IKBKB: variants seen among roughly 807,000 people sequenced by gnomAD.
IKBKB encodes inhibitor of nuclear factor kappa-B kinase subunit beta.
In IKBKB, 42 loss-of-function variants were observed where a neutral mutation model predicts 113.6. The ratio of observed to expected loss-of-function variants is 0.37; its 90% CI spans 0.29 to 0.48. IKBKB has a LOEUF of 0.48. IKBKB is among the 20% of genes least tolerant of loss of function. IKBKB has a pLI of 0.99. For synonymous variants in IKBKB, 296 were observed against 361.3 expected (o/e 0.82, Z 2.05); for missense variants, 673 against 939.7 (o/e 0.72, Z 3.71).
chr8:42,316,479 T>A lies in IKBKB; in HGVS notation c.930+140T>A. 3 of 1,064,746 alleles carry A rather than the reference T, an allele frequency of 2.8e-6. No homozygotes were observed. The highest frequency in any genetic ancestry group is 4.0e-6 in the Non-Finnish European group (3 of 741,964). The allele number at this position is 1,064,746 out of a possible 1,614,324, so 66.0% of individuals were successfully genotyped here. On this transcript the variant is annotated intron_variant, in intron 10 of 21. Coordinates refer to ENST00000520810, the MANE Select transcript of IKBKB (RefSeq NM_001556.3). This position sits in a 1 kb window ranked among gnomAD's most constrained non-coding sequence, Gnocchi z 4.5. ...TCCTGCATCAGTCTTTCTGCATAAG[T>A]AAAGAAAGGACAGTTGTGCTAATTG...
At chr8:42,317,049 G>A in intron 11 of IKBKB, 145 bp downstream of exon 11, 1 of 784,478 alleles carries the variant, frequency 1.3e-6, no homozygotes, top group Non-Finnish European at 2.2e-6. Flanking sequence ...TTAAGTTGGA[G>A]TATGGTGTCC....
chr8:42,272,256 C>T (rs771509162), intron 2 of IKBKB, 51 bp downstream of exon 2: 3 of 1,612,418 alleles, frequency 1.9e-6, no homozygotes, highest in Non-Finnish European at 2.5e-6. Context: ...GCCCCCTCCT[C>T]ACTGCCTCCA....
chr8:42,316,865 C>G lies in IKBKB; in HGVS notation c.1086C>G (p.Ile362Met), dbSNP rs759450524. The G allele has an allele frequency of 5.6e-6, 9 of 1,614,130 alleles. No homozygotes were observed. The highest frequency in any genetic ancestry group is 7.6e-6 in the Non-Finnish European group (9 of 1,180,026). ...ELLQEAGLALIPDKPATQCIS... is the reference protein window; with the variant it reads ...ELLQEAGLALMPDKPATQCIS... ...TGCAGGAAGCGGGCCTGGCGTTGAT[C>G]CCCGATAAGCCTGCCACTCAGTGTA... The change falls in exon 11 of 22, where the codon ATC becomes ATG. Residue 362 changes from isoleucine to methionine, a missense_variant. By Grantham distance (10) the Ile-to-Met change is conservative. Transcript: ENST00000520810. This position sits in a 1 kb window ranked among gnomAD's most constrained non-coding sequence, Gnocchi z 4.5.
chr8:42,314,182 G>A (rs1318514243), intron 8 of IKBKB, 140 bp from the exon 9 acceptor site: 2 of 700,942 alleles, frequency 2.9e-6, no homozygotes, highest in African/African-American at 3.5e-5. Flanking sequence ...GTACGATACA[G>A]CCTAGGTCTG....
chr8:42,274,109 C>T (rs747179522), intron 2 of IKBKB, among the ~76,000 whole-genome samples: 3 of 151,922 alleles, frequency 2.0e-5, no homozygotes, highest in Non-Finnish European at 4.4e-5. Context: ...TGGCTCACTG[C>T]AACCTCCGCC....
chr8:42,287,133 G>C (rs1158677119), intron 2 of IKBKB, among the ~76,000 whole-genome samples: 1 of 152,182 alleles, frequency 6.6e-6, no homozygotes, highest in Admixed American at 6.5e-5. Flanking sequence ...GAGTGCCCGA[G>C]GCCAGAGCCG....
At chr8:42,288,511 C>T (rs765752129) in intron 2 of IKBKB, 123 bp from the exon 3 acceptor site, 1 of 655,146 alleles carries the variant, frequency 1.5e-6, no homozygotes, top group Non-Finnish European at 2.6e-6. Flanking sequence ...TACATGTGAC[C>T]TTGGAGCACC....
Position 42,319,332 on chromosome 8 carries a change from CTCAGCAGCTCAAGGCCAAGTTGGATTTCT to C in IKBKB, c.1431_1459del (p.Gln478AsnfsTer6). The C allele has an allele frequency of 6.2e-7, 1 of 1,614,148 alleles. No homozygotes were observed. The highest frequency in any genetic ancestry group is 8.5e-7 in the Non-Finnish European group (1 of 1,180,006). On this transcript the variant is annotated frameshift_variant, in exon 14 of 22. Coordinates refer to ENST00000520810, the MANE Select transcript of IKBKB (RefSeq NM_001556.3). LOFTEE classifies it high-confidence loss of function. ...ATGAAGAATTCCATGGCTTCCATGT[CTCAGCAGCTCAAGGCCAAGTTGGATTTCT>C]TCAAAACCAGCATCCAGATTGACCT... is the stretch of plus-strand genomic sequence containing the variant.
chr8:42,321,760 G>C, intron 16 of IKBKB, 136 bp from the exon 17 acceptor site: 1 of 628,954 alleles, frequency 1.6e-6, no homozygotes, highest in East Asian at 2.7e-5. Flanking sequence ...GGATGCCAAG[G>C]CAAGAAGATT....
chr8:42,331,695 AG>A lies in IKBKB; in HGVS notation c.*717del. 4.4e-6 allele frequency: 2 copies of A among 458,178 alleles called. No individual in the cohort carries two copies. Among genetic ancestry groups the A allele is most frequent in the South Asian group, 4.4e-5 (2 of 45,130 alleles). 28.4% of individuals were successfully genotyped at this position (458,178 alleles called of 1,614,324 possible). On this transcript the variant is annotated 3_prime_UTR_variant, in exon 22 of 22. Coordinates refer to ENST00000520810, the MANE Select transcript of IKBKB (RefSeq NM_001556.3). ...GTCCTTTCTGCCAAGAGCGACTCAT[AG>A]TAACCAGGATGGGAGAGCAGCTGCC...
At chr8:42,275,580 C>A (rs1311831432) in intron 2 of IKBKB, among the ~76,000 whole-genome samples, 6 of 152,190 alleles carry the variant, frequency 3.9e-5, no homozygotes, top group Admixed American at 3.9e-4. Flanking sequence ...ATGTAATGCC[C>A]TCCAAGCTCA....
At chr8:42,289,048 C>A (rs1812021340) in intron 3 of IKBKB, among the ~76,000 whole-genome samples, 1 of 152,172 alleles carries the variant, frequency 6.6e-6, no homozygotes, top group Admixed American at 6.5e-5. Flanking sequence ...AACCCCGTCT[C>A]TACTAAAAAT....
chr8:42,272,055 T>G (rs774608043), intron 1 of IKBKB, 28 bp from the exon 2 acceptor site: 1 of 1,591,802 alleles, frequency 6.3e-7, no homozygotes, highest in Non-Finnish European at 8.6e-7. Context: ...AATCCTAACC[T>G]TTTTTCCCCA....
intron 8 of IKBKB, among the ~76,000 whole-genome samples, chr8:42,311,462 G>A (rs1466135097): frequency 6.9e-6 from 1 of 145,934 alleles, no homozygotes; most frequent in Non-Finnish European, 1.5e-5. Flanking sequence ...TTGGGAGGCT[G>A]AAACAGGAGA....
chr8:42,315,514 G>T (rs1225793519), intron 9 of IKBKB, among the ~76,000 whole-genome samples: 3 of 152,164 alleles, frequency 2.0e-5, no homozygotes, highest in African/African-American at 7.2e-5. Flanking sequence ...GGCAGGCTCT[G>T]CAGGGCCAGG....
intron 8 of IKBKB, among the ~76,000 whole-genome samples, chr8:42,312,122 G>A (rs555947811): frequency 3.3e-5 from 5 of 152,310 alleles, no homozygotes; most frequent in African/African-American, 9.6e-5. Flanking sequence ...TCCTGACCTC[G>A]TGAACTGCCC....
intron 20 of IKBKB, among the ~76,000 whole-genome samples, chr8:42,328,419 T>C (rs1821230342): frequency 1.3e-5 from 2 of 152,280 alleles, no homozygotes; most frequent in South Asian, 4.1e-4. Context: ...TGCTCTGAGC[T>C]CCTGCCATCA....
chr8:42,298,481 G>A (rs1814392642), intron 5 of IKBKB: 1 of 985,282 alleles, frequency 1.0e-6, no homozygotes, highest in African/African-American at 1.7e-5. Flanking sequence ...TCCAGGAACT[G>A]CACATCAGGT....
At position 42,316,582 on chromosome 8, in the gene IKBKB, C is replaced by A; in HGVS notation, c.931-128C>A. 1.0e-6 allele frequency: 1 copy of A among 960,588 alleles called. No homozygotes were observed. Among genetic ancestry groups the A allele is most frequent in the Non-Finnish European group, 1.5e-6 (1 of 652,644 alleles). 59.5% of individuals were successfully genotyped at this position (960,588 alleles called of 1,614,324 possible). On this transcript the variant is annotated intron_variant, in intron 10 of 21. Transcript: ENST00000520810. The surrounding 1 kb of genome is among the most constrained non-coding windows in gnomAD (Gnocchi z 4.5). ...GCGAAACATGGCACATGACCTCCCTCCCTCAAGCTAGGCCCTTGCTTTGTG... is the reference window on the plus strand; with the variant it reads ...GCGAAACATGGCACATGACCTCCCTACCTCAAGCTAGGCCCTTGCTTTGTG...
Sources: gnomAD v4.1 joint callset for allele counts (sites outside exome capture counted in the v4.1 genomes callset) on GRCh38, gnomAD v4.1.1 for gene constraint, Gnocchi (gnomAD v3.1) non-coding constraint, MANE v1.5 for transcripts, NCBI Gene and HGNC (gene_info 2026-07-23, HGNC 2026-07-21) for gene names.